Variants in CACNA1C observed in about 807,000 individuals in gnomAD.
The protein encoded by CACNA1C is calcium voltage-gated channel subunit alpha1 C.
CACNA1C carries 30 observed loss-of-function variants against 229.0 expected under a neutral mutation model. The observed-to-expected ratio is 0.13, with a 90% confidence interval of 0.10 to 0.18. The LOEUF (loss-of-function observed/expected upper bound fraction) is 0.18, where lower values mean the gene tolerates loss of function less well. CACNA1C is among the 10% of genes least tolerant of loss of function. The probability of loss-of-function intolerance (pLI) is 1.00; values close to 1 mark genes in which losing one functional copy is unlikely to be tolerated. For missense variants in CACNA1C, 1,658 were observed against 2,845.0 expected, an observed-to-expected ratio of 0.58 and a Z score of 9.49; for synonymous variants, 1,114 against 1,132.5, an observed-to-expected ratio of 0.98 and a Z score of 0.33.
chr12:2,234,177 C>T (rs112259490), intron 3 of CACNA1C, among the ~76,000 whole-genome samples: 2,007 of 152,270 alleles, frequency 0.013, 52 homozygotes, highest in African/African-American at 0.046. Context: ...GGAAGTGTCC[C>T]GTGTCTCCTT....
chr12:2,323,756 T>C (rs1485306646), intron 3 of CACNA1C, among the ~76,000 whole-genome samples: 1 of 152,198 alleles, frequency 6.6e-6, no homozygotes, highest in Non-Finnish European at 1.5e-5. Flanking sequence ...AAATGGTGCA[T>C]TAACTTCAGG....
At chr12:2,296,216 T>C (rs112783621) in intron 3 of CACNA1C, among the ~76,000 whole-genome samples, 3,370 of 152,284 alleles carry the variant, frequency 0.022, 112 homozygotes, top group African/African-American at 0.078. Flanking sequence ...AGTCACTCTG[T>C]TCTAATGCTT....
In CACNA1C at chr12:2,550,046, G is replaced by T; in HGVS notation, c.1481+13G>T. ...GGGCCAGGCTGGCGTGAGTAGGCAC[G>T]GCGAGCCCAGGGGCTGGGGCTTTTT... On this transcript the variant is annotated intron_variant, in intron 10 of 46. Coordinates refer to ENST00000399655, the MANE Select transcript of CACNA1C (RefSeq NM_000719.7). The T allele has an allele frequency of 1.9e-6, 3 of 1,563,614 alleles. No homozygotes were observed. The highest frequency in any genetic ancestry group is 2.6e-6 in the Non-Finnish European group (3 of 1,144,412).
chr12:2,573,130 G>C (rs1014695988), intron 13 of CACNA1C, among the ~76,000 whole-genome samples: 2 of 151,826 alleles, frequency 1.3e-5, no homozygotes, highest in African/African-American at 4.8e-5. Flanking sequence ...GCTCACTGTA[G>C]CCTCAAACTC....
intron 3 of CACNA1C, among the ~76,000 whole-genome samples, chr12:2,325,860 G>A (rs940463134): frequency 2.0e-5 from 3 of 152,250 alleles, no homozygotes; most frequent in Non-Finnish European, 4.4e-5. Context: ...CTAGGCCAGG[G>A]AGGAAGAGGG....
chr12:2,316,063 A>G (rs539793119), intron 3 of CACNA1C, among the ~76,000 whole-genome samples: 1 of 152,256 alleles, frequency 6.6e-6, no homozygotes. Context: ...CAGCACCTTC[A>G]TGGACAGAGA....
chr12:2,399,820 A>C (rs1758409803), intron 3 of CACNA1C, among the ~76,000 whole-genome samples: 2 of 152,138 alleles, frequency 1.3e-5, no homozygotes, highest in Non-Finnish European at 2.9e-5. Flanking sequence ...CCATGGGTTT[A>C]CTGCATCTTA....
intron 20 of CACNA1C, 170 bp downstream of exon 20, chr12:2,596,173 G>A (rs1601543809): frequency 5.4e-6 from 3 of 560,654 alleles, no homozygotes; most frequent in Middle Eastern, 2.7e-4. Context: ...AACCACCCTA[G>A]GACCACAAGC....
chr12:2,395,155 A>G (rs113830462), intron 3 of CACNA1C, among the ~76,000 whole-genome samples: 2,160 of 150,328 alleles, frequency 0.014, 55 homozygotes, highest in African/African-American at 0.047. Context: ...AGTAGCTGGG[A>G]CTACAGGCAG....
intron 5 of CACNA1C, among the ~76,000 whole-genome samples, chr12:2,474,261 T>C (rs913179124): frequency 6.6e-6 from 1 of 152,178 alleles, no homozygotes; most frequent in Non-Finnish European, 1.5e-5. Context: ...TATTATCAAG[T>C]ATGTTGCTCA....
At chr12:2,331,876 T>G (rs1421041465) in intron 3 of CACNA1C, among the ~76,000 whole-genome samples, 1 of 150,436 alleles carries the variant, frequency 6.6e-6, no homozygotes, top group South Asian at 2.1e-4. Context: ...GAGAACTGTT[T>G]TAGATTAAAG....
chr12:2,566,763 G>A lies in CACNA1C; in HGVS notation c.1669+181G>A, dbSNP rs772247681. Among the ~76,000 whole-genome samples the A allele has an allele frequency of 3.9e-5, 6 of 152,150 alleles. No homozygotes were observed. Among genetic ancestry groups the A allele is most frequent in the Non-Finnish European group, 5.9e-5 (4 of 68,040 alleles). On this transcript the variant is annotated intron_variant, in intron 12 of 46. Transcript: ENST00000399655. The surrounding 1 kb of genome is among the most constrained non-coding windows in gnomAD (Gnocchi z 4.0). ...GTTCCAAAGCCCCACAATAAAATGC[G>A]CTACCTTGTTAAAAACAGACACGGC...
chr12:2,584,850 G>T (rs555243989), intron 16 of CACNA1C, among the ~76,000 whole-genome samples: 3 of 152,198 alleles, frequency 2.0e-5, no homozygotes, highest in Non-Finnish European at 4.4e-5. Flanking sequence ...TTCTCCACCT[G>T]CTGGGATTAT....
chr12:2,403,168 A>G lies in CACNA1C; in HGVS notation c.478-45808A>G, dbSNP rs890946345. Among the ~76,000 whole-genome samples the G allele has an allele frequency of 6.6e-6, 1 of 152,186 alleles. No individual in the cohort carries two copies. Among genetic ancestry groups the G allele is most frequent in the African/African-American group, 2.4e-5 (1 of 41,436 alleles). Reference sequence around the variant, plus strand: ...TCTTCCCAACATTTCCTGGAGGTCAACCTGCTTTTAACAGCCTTCATTCTT... The same window carrying G: ...TCTTCCCAACATTTCCTGGAGGTCAGCCTGCTTTTAACAGCCTTCATTCTT... On this transcript the variant is annotated intron_variant, in intron 3 of 46. Coordinates refer to ENST00000399655, the MANE Select transcript of CACNA1C (RefSeq NM_000719.7). This position sits in a 1 kb window ranked among gnomAD's most constrained non-coding sequence, Gnocchi z 4.1.
At chr12:2,474,427 A>G (rs1482238903) in intron 5 of CACNA1C, among the ~76,000 whole-genome samples, 1 of 152,186 alleles carries the variant, frequency 6.6e-6, no homozygotes, top group Non-Finnish European at 1.5e-5. Context: ...AGGAAAAGCT[A>G]CAGGTGGATC....
At chr12:2,098,842 C>A (rs951162361) in intron 1 of CACNA1C, among the ~76,000 whole-genome samples, 4 of 152,326 alleles carry the variant, frequency 2.6e-5, no homozygotes, top group Middle Eastern at 3.4e-3. Context: ...GTAGTACTTT[C>A]ATAGACATAA....
intron 3 of CACNA1C, among the ~76,000 whole-genome samples, chr12:2,419,521 T>A (rs1339220756): frequency 6.6e-6 from 1 of 152,168 alleles, no homozygotes; most frequent in Non-Finnish European, 1.5e-5. Flanking sequence ...AGCACCACCA[T>A]GCCAGTTCCC....
Position 2,622,390 on chromosome 12 carries a change from G to C in CACNA1C, c.3828+10377G>C, listed in dbSNP as rs539123478. On this transcript the variant is annotated intron_variant, in intron 29 of 46. Coordinates refer to ENST00000399655, the MANE Select transcript of CACNA1C (RefSeq NM_000719.7). ...TGCATAATCTGATCTGGGGTCTTCA[G>C]TGTGCACCTTTACCCTCACCCACGT... 1.1e-4 allele frequency among the ~76,000 whole-genome samples: 17 copies of C among 152,296 alleles called. 1 individual carries two copies. The South Asian group carries it at 2.7e-3, about 24-fold the overall frequency.
intron 3 of CACNA1C, among the ~76,000 whole-genome samples, chr12:2,205,657 C>T (rs2097734427): frequency 6.6e-6 from 1 of 152,150 alleles, no homozygotes; most frequent in African/African-American, 2.4e-5. Flanking sequence ...AGCATCCTCT[C>T]CGGCTGAGTT....
Sources: allele counts gnomAD v4.1 joint callset (sites outside exome capture counted in the v4.1 genomes callset), GRCh38; gene constraint gnomAD v4.1.1; non-coding constraint Gnocchi (gnomAD v3.1); transcripts MANE v1.5; gene names NCBI Gene and HGNC (gene_info 2026-07-23, HGNC 2026-07-21).